CERT1: variants seen among roughly 807,000 people sequenced by gnomAD.
CERT1 encodes the protein ceramide transporter 1.
In CERT1, 31 loss-of-function variants were observed where a neutral mutation model predicts 87.9. The ratio of observed to expected loss-of-function variants is 0.35; its 90% CI spans 0.27 to 0.48. The LOEUF (loss-of-function observed/expected upper bound fraction) is 0.48, where lower values mean the gene tolerates loss of function less well. CERT1 is among the 20% of genes least tolerant of loss of function. The probability of loss-of-function intolerance (pLI) is 0.99; values close to 1 mark genes in which losing one functional copy is unlikely to be tolerated. For synonymous variants in CERT1, 289 were observed against 250.9 expected, an observed-to-expected ratio of 1.15 and a Z score of -1.44; for missense variants, 487 against 758.0, an observed-to-expected ratio of 0.64 and a Z score of 4.20.
Position 75,385,962 on chromosome 5 carries a change from C to T in CERT1, c.1357G>A (p.Val453Ile). The change falls in exon 13 of 17, where the codon GTC (valine) becomes ATC (isoleucine). Residue 453 changes from valine (V) to isoleucine (I), a missense_variant. By Grantham distance (29) the Val-to-Ile change is conservative. Around this residue, in one of 8 missense-constraint regions of CERT1, gnomAD observed 147 missense variants for 200.8 expected, o/e 0.73. Transcript: ENST00000643780. The stretch of plus-strand genomic sequence containing the variant: ...TAATTGCAGACTTCATGTCCTGTGA[C>T]GCCTTTAACTGCATGGGTAGCTTTT... ...PLKATHAVKG[V>I]TGHEVCNYFW... The T allele has an allele frequency of 1.9e-6, 3 of 1,595,622 alleles. No individual in the cohort carries two copies. Among genetic ancestry groups the T allele is most frequent in the African/African-American group, 1.3e-5 (1 of 74,450 alleles).
At chr5:75,480,420 T>C (rs1235397053) in intron 2 of CERT1, among the ~76,000 whole-genome samples, 1 of 152,210 alleles carries the variant, frequency 6.6e-6, no homozygotes, top group African/African-American at 2.4e-5. Context: ...TCATCAGACA[T>C]TTGAAGAAAA....
intron 4 of CERT1, 32 bp from the exon 5 acceptor site, chr5:75,425,531 A>C: frequency 6.2e-7 from 1 of 1,606,390 alleles, no homozygotes; most frequent in Non-Finnish European, 8.5e-7. Context: ...GATGTAATTC[A>C]AGTAAAACAA....
At chr5:75,495,218 A>C (rs777559727) in intron 2 of CERT1, among the ~76,000 whole-genome samples, 5 of 152,240 alleles carry the variant, frequency 3.3e-5, no homozygotes, top group Non-Finnish European at 7.3e-5. Flanking sequence ...ATTGGAAACC[A>C]AGAGAATAGC....
At chr5:75,391,477 C>G (rs1366709240) in intron 11 of CERT1, among the ~76,000 whole-genome samples, 1 of 152,120 alleles carries the variant, frequency 6.6e-6, no homozygotes, top group East Asian at 1.9e-4. Flanking sequence ...ATTCATAATT[C>G]TCAAAACAGT....
chr5:75,386,103 C>T, intron 12 of CERT1, 69 bp from the exon 13 acceptor site: 4 of 1,200,874 alleles, frequency 3.3e-6, no homozygotes, highest in Non-Finnish European at 4.4e-6. Flanking sequence ...GGAAAGCATG[C>T]TTTTAATACA....
At chr5:75,395,765 G>A (rs11948811) in intron 11 of CERT1, among the ~76,000 whole-genome samples, 2,756 of 151,982 alleles carry the variant, frequency 0.018, 86 homozygotes, top group African/African-American at 0.061. Context: ...CAGGAGAATC[G>A]CTTGAACCTG....
chr5:75,412,096 T>C (rs1762955347), intron 7 of CERT1, among the ~76,000 whole-genome samples: 2 of 152,238 alleles, frequency 1.3e-5, no homozygotes, highest in African/African-American at 2.4e-5. Flanking sequence ...GGGTCAAAAC[T>C]GATACTGGAG....
At chr5:75,511,884 G>T, upstream of CERT1, 3 of 1,479,874 alleles carry the variant, frequency 2.0e-6, no homozygotes, top group Non-Finnish European at 2.7e-6. Flanking sequence ...GCAGCCTCCT[G>T]GGAGTTGTAG....
intron 3 of CERT1, among the ~76,000 whole-genome samples, chr5:75,450,516 T>A (rs564159411): frequency 6.6e-6 from 1 of 152,272 alleles, no homozygotes; most frequent in East Asian, 1.9e-4. Context: ...TTACTTCCTA[T>A]AGAGAATAGA....
chr5:75,476,766 C>G (rs1055959255), intron 2 of CERT1, among the ~76,000 whole-genome samples: 2 of 152,184 alleles, frequency 1.3e-5, no homozygotes, highest in Non-Finnish European at 2.9e-5. Context: ...ACACTGGAGA[C>G]AGTGAAAAAT....
chr5:75,511,007 C>A lies in CERT1; in HGVS notation c.96+105G>T, dbSNP rs539513461. ...CTGCAGCAACACTCAGCCTCGCACC[C>A]CGGCACGTTCCGCGCCTCCCGCCAG... On this transcript the variant is annotated intron_variant, in intron 1 of 16. Coordinates refer to ENST00000643780, the MANE Select transcript of CERT1 (RefSeq NM_001379029.1). 1.4e-5 allele frequency: 20 copies of A among 1,393,764 alleles called. No individual in the cohort carries two copies. The African/African-American group carries it at 2.6e-4, about 18-fold the overall frequency. The allele number at this position is 1,393,764 out of a possible 1,614,324, so 86.3% of individuals were successfully genotyped here.
intron 8 of CERT1, among the ~76,000 whole-genome samples, chr5:75,404,947 C>T (rs1762645251): frequency 6.6e-6 from 1 of 152,060 alleles, no homozygotes; most frequent in South Asian, 2.1e-4. Flanking sequence ...GCGGAAGTTG[C>T]AGAGGTTGCA....
chr5:75,481,059 C>T (rs1766219096), intron 2 of CERT1, among the ~76,000 whole-genome samples: 1 of 152,170 alleles, frequency 6.6e-6, no homozygotes, highest in Non-Finnish European at 1.5e-5. Flanking sequence ...CAGCAACTTC[C>T]CATCTCGCTC....
chr5:75,502,314 G>A (rs915882993), intron 2 of CERT1, among the ~76,000 whole-genome samples: 2 of 152,080 alleles, frequency 1.3e-5, no homozygotes, highest in South Asian at 2.1e-4. Flanking sequence ...CAATACTTGC[G>A]GGTAAGGAGA....
downstream of CERT1, chr5:75,373,686 C>CA (rs1301519665): frequency 6.2e-6 from 1 of 161,046 alleles, no homozygotes; most frequent in Non-Finnish European, 1.3e-5. Context: ...GCAAAAAAGT[C>CA]AAAAAATTCT....
intron 1 of CERT1, 134 bp downstream of exon 1, chr5:75,510,978 G>A: frequency 8.0e-7 from 1 of 1,244,568 alleles, no homozygotes; most frequent in East Asian, 2.7e-5. Context: ...CTCATCCCTA[G>A]TCGCTGCAGC....
intron 2 of CERT1, among the ~76,000 whole-genome samples, chr5:75,484,264 A>G (rs1172137482): frequency 2.0e-5 from 3 of 151,988 alleles, no homozygotes; most frequent in Admixed American, 2.0e-4. Context: ...CAAAAAATTA[A>G]AACATACCAC....
At chr5:75,434,272 T>C (rs1481490787) in intron 3 of CERT1, among the ~76,000 whole-genome samples, 1 of 152,026 alleles carries the variant, frequency 6.6e-6, no homozygotes, top group Admixed American at 6.6e-5. Flanking sequence ...TGTTTTTCAT[T>C]TCTAGTTCTG....
intron 1 of CERT1, among the ~76,000 whole-genome samples, chr5:75,509,959 TA>T (rs1213345091): frequency 3.9e-5 from 6 of 152,184 alleles, no homozygotes; most frequent in African/African-American, 1.4e-4. Flanking sequence ...GCTATACAAA[TA>T]AAAGTCAACA....
Sources: allele counts gnomAD v4.1 joint callset (sites outside exome capture counted in the v4.1 genomes callset), GRCh38; gene constraint gnomAD v4.1.1; regional missense constraint gnomAD v4.1.1; transcripts MANE v1.5; gene names NCBI Gene and HGNC (gene_info 2026-07-23, HGNC 2026-07-21).